The following ERG variants were observed in gnomAD, a reference collection of about 807,000 sequenced individuals.
ERG encodes transcriptional regulator ERG.
A neutral mutation model predicts 55.3 loss-of-function variants in ERG; 9 were observed. The observed-to-expected ratio is 0.16, with a 90% CI of 0.10 to 0.28. The LOEUF is 0.28. Ranked by LOEUF, ERG falls within the 10% of genes least tolerant of loss-of-function variation. The pLI is 1.00. For missense variants in ERG, 434 were observed against 631.6 expected (o/e 0.69, Z 3.35); for synonymous variants, 223 against 237.3 (o/e 0.94, Z 0.55).
intron 1 of ERG, among the ~76,000 whole-genome samples, chr21:38,486,226 C>G (rs981607210): frequency 6.6e-6 from 1 of 152,222 alleles, no homozygotes; most frequent in Non-Finnish European, 1.5e-5. Context: ...AGCCACCGCA[C>G]CTGGCCTCTA....
chr21:38,652,196 A>T (rs912805427), intron 1 of ERG, among the ~76,000 whole-genome samples: 54 of 151,674 alleles, frequency 3.6e-4, no homozygotes, highest in African/African-American at 1.3e-3. Context: ...CACCCTCCAA[A>T]CACACCAGCA....
At chr21:38,482,174 CG>C (rs893526244) in intron 1 of ERG, among the ~76,000 whole-genome samples, 3 of 152,144 alleles carry the variant, frequency 2.0e-5, no homozygotes, top group Non-Finnish European at 4.4e-5. Context: ...GGGCAGCCCC[CG>C]GTCATCTGAC....
At chr21:38,630,641 C>A (rs2060351276) in intron 1 of ERG, among the ~76,000 whole-genome samples, 2 of 152,216 alleles carry the variant, frequency 1.3e-5, no homozygotes, top group African/African-American at 4.8e-5. Context: ...ATCTTTTCAG[C>A]TAACATTGAG....
At chr21:38,534,345 T>C (rs1047993992) in intron 2 of ERG, among the ~76,000 whole-genome samples, 1 of 125,754 alleles carries the variant, frequency 8.0e-6, no homozygotes, top group African/African-American at 2.5e-5. Context: ...TTCATCAGTT[T>C]CTATTGCCAA....
chr21:38,432,972 TG>T (rs1990289066), intron 2 of ERG, among the ~76,000 whole-genome samples: 1 of 152,112 alleles, frequency 6.6e-6, no homozygotes, highest in African/African-American at 2.4e-5. Flanking sequence ...AAGACAGTCA[TG>T]GATGAGGGTT....
the ERG span, chr21:38,367,563 G>T: frequency 8.2e-6 from 4 of 487,170 alleles, no homozygotes; most frequent in Non-Finnish European, 1.6e-5. Context: ...AGAAGGCCAC[G>T]CTGCCTTCTA....
rs926096831 is a variant in ERG at position 38,455,768 on chromosome 21, C to G, written c.19-10147G>C. The stretch of plus-strand genomic sequence containing the variant: ...TTTAGCTAATTTTCATCAGGTGTCA[C>G]TCTCATGCCTTCAAACACTCAATTC... On this transcript the variant is annotated intron_variant, in intron 1 of 9. Transcript: ENST00000288319. Among the ~76,000 whole-genome samples the G allele has an allele frequency of 4.6e-5, 7 of 151,970 alleles. No homozygotes were observed. In the East Asian group the frequency reaches 1.4e-3, roughly 29 times the overall value.
At chr21:38,540,082 T>C (rs1481991412) in intron 2 of ERG, among the ~76,000 whole-genome samples, 2 of 151,810 alleles carry the variant, frequency 1.3e-5, no homozygotes, top group East Asian at 1.9e-4. Context: ...TTTTAGTAGA[T>C]ACGGGGTTTC....
At chr21:38,588,686 G>A (rs1488578869), upstream of ERG, among the ~76,000 whole-genome samples, 1 of 152,132 alleles carries the variant, frequency 6.6e-6, no homozygotes, top group Non-Finnish European at 1.5e-5. Context: ...GGTTGCTGAT[G>A]GTCCAGATGG....
intron 3 of ERG, among the ~76,000 whole-genome samples, chr21:38,407,233 G>T (rs1988814534): frequency 6.6e-6 from 1 of 152,098 alleles, no homozygotes. Context: ...CAAAACATTG[G>T]AAACACCCTA....
chr21:38,549,721 T>G (rs1289363346), intron 2 of ERG, among the ~76,000 whole-genome samples: 1 of 137,718 alleles, frequency 7.3e-6, no homozygotes, highest in Admixed American at 7.2e-5. Context: ...ATATCTTCCT[T>G]GTCTAGGACA....
At chr21:38,574,871 A>C (rs1490064232) in intron 2 of ERG, among the ~76,000 whole-genome samples, 1 of 152,240 alleles carries the variant, frequency 6.6e-6, no homozygotes, top group Non-Finnish European at 1.5e-5. Flanking sequence ...ACTAACCAGC[A>C]CAGGTGTAGA....
chr21:38,535,540 C>A (rs1362981346), intron 2 of ERG, among the ~76,000 whole-genome samples: 1 of 151,646 alleles, frequency 6.6e-6, no homozygotes, highest in South Asian at 2.1e-4. Context: ...TTCAAAACAC[C>A]TTTATTTTTT....
chr21:38,394,379 G>A (rs1378972903), intron 6 of ERG, among the ~76,000 whole-genome samples: 2 of 150,874 alleles, frequency 1.3e-5, no homozygotes, highest in Non-Finnish European at 3.0e-5. Flanking sequence ...TGGAGGTGGA[G>A]TCTCGCTCTG....
intron 6 of ERG, chr21:38,400,089 T>A: frequency 3.1e-6 from 1 of 318,502 alleles, no homozygotes; most frequent in East Asian, 5.2e-5. Flanking sequence ...ATGAATGGCA[T>A]GTAAATTTAT....
rs542074538 is a variant in ERG at position 38,552,205 on chromosome 21, A to G, written c.-41+23457T>C. Among the ~76,000 whole-genome samples the G allele has an allele frequency of 3.9e-5, 6 of 152,340 alleles. No homozygotes were observed. The East Asian group carries it at 7.7e-4, about 20-fold the overall frequency. On this transcript the variant is annotated intron_variant, in intron 2 of 8. Coordinates refer to the ERG transcript ENST00000398897. ...ATCAGTAATATAAAGACTACCAACC[A>G]GAAAAAGCCCTAGACCAGAGAGATT...
chr21:38,489,774 G>A (rs368502822), intron 1 of ERG, among the ~76,000 whole-genome samples: 6 of 152,294 alleles, frequency 3.9e-5, no homozygotes, highest in African/African-American at 1.2e-4. Flanking sequence ...AACCTGCACC[G>A]TCCCAGATTT....
intron 2 of ERG, among the ~76,000 whole-genome samples, chr21:38,567,937 C>T (rs965315925): frequency 3.9e-5 from 6 of 152,286 alleles, no homozygotes; most frequent in South Asian, 2.1e-4. Flanking sequence ...TAGACTCTTC[C>T]GTCTATGAAA....
At chr21:38,475,616 G>A (rs1883974297) in intron 1 of ERG, among the ~76,000 whole-genome samples, 1 of 152,132 alleles carries the variant, frequency 6.6e-6, no homozygotes, top group Admixed American at 6.5e-5. Flanking sequence ...TTTTCTTTGG[G>A]TCTCTGTCTG....
Sources: gnomAD v4.1 joint callset for allele counts (sites outside exome capture counted in the v4.1 genomes callset) on GRCh38, gnomAD v4.1.1 for gene constraint, MANE v1.5 for transcripts, NCBI Gene and HGNC (gene_info 2026-07-23, HGNC 2026-07-21) for gene names.